BAIAP2: variants seen among roughly 807,000 people sequenced by gnomAD.
BAIAP2 encodes the protein BAR/IMD domain-containing adapter protein 2.
In BAIAP2, 18 loss-of-function variants were observed where a neutral mutation model predicts 63.0. The ratio of observed to expected loss-of-function variants is 0.29; its 90% CI spans 0.20 to 0.42. The LOEUF (loss-of-function observed/expected upper bound fraction) is 0.42, where lower values mean the gene tolerates loss of function less well. Ranked by LOEUF, BAIAP2 falls within the 10% of genes least tolerant of loss-of-function variation. The pLI is 1.00. For synonymous variants in BAIAP2, 386 were observed against 307.6 expected (o/e 1.25, Z -2.67); for missense variants, 610 against 734.3 (o/e 0.83, Z 1.96).
chr17:81,050,967 C>T (rs1293462423), intron 1 of BAIAP2, among the ~76,000 whole-genome samples: 1 of 151,770 alleles, frequency 6.6e-6, no homozygotes, highest in African/African-American at 2.4e-5. Context: ...ACCAGGCTGC[C>T]GAGAGCGCAC....
chr17:81,069,010 A>G (rs1013542764), intron 3 of BAIAP2, among the ~76,000 whole-genome samples: 1 of 152,154 alleles, frequency 6.6e-6, no homozygotes, highest in African/African-American at 2.4e-5. Context: ...CAGACAGGAC[A>G]GGGTCTCAGC....
rs138248424 is a variant in BAIAP2, at chr17:81,094,657, C to T, written c.490-5271C>T. Among the ~76,000 whole-genome samples the T allele has an allele frequency of 2.0e-3, 301 of 152,314 alleles. 5 individuals carry two copies. In the Middle Eastern group the frequency reaches 0.031, roughly 15 times the overall value. On this transcript the variant is annotated intron_variant, in intron 6 of 13. Transcript: ENST00000428708. ...CTCCTTTTAACCACCTGCCATGCTGCCCTCCCTCCTCTGCCTGGGTACCGT... is the reference window on the plus strand; with the variant it reads ...CTCCTTTTAACCACCTGCCATGCTGTCCTCCCTCCTCTGCCTGGGTACCGT...
chr17:81,110,363 T>C, intron 13 of BAIAP2: 1 of 986,580 alleles, frequency 1.0e-6, no homozygotes, highest in Non-Finnish European at 1.2e-6. Flanking sequence ...CCATGCTCAA[T>C]GGATGAATGT....
chr17:81,116,617 CT>C lies in BAIAP2; in HGVS notation c.*779del, dbSNP rs568159284. ...GTGGGGGCTTCCCCGCTTCCGGGGT[CT>C]GCCCCAGGACTCCTGGGTGGACCTC... On this transcript the variant is annotated 3_prime_UTR_variant, in exon 14 of 14. Transcript: ENST00000428708. The C allele has an allele frequency of 5.3e-4, 232 of 434,766 alleles. 3 individuals are homozygous for C. Among genetic ancestry groups the C allele is most frequent in the African/African-American group, 4.2e-3 (212 of 50,756 alleles). 26.9% of individuals were successfully genotyped at this position (434,766 alleles called of 1,614,324 possible). A position where few individuals can be genotyped will look rare whatever the true frequency, so the allele number is the denominator to read the frequency against.
chr17:81,036,858 T>G (rs2046344755), intron 1 of BAIAP2: 11 of 1,535,346 alleles, frequency 7.2e-6, no homozygotes, highest in Non-Finnish European at 9.6e-6. Flanking sequence ...TGTTTGTGAT[T>G]GCAGAGGGTG....
At position 81,116,045 on chromosome 17, in the gene BAIAP2, C is replaced by A; in HGVS notation, c.*206C>A. 1.4e-6 allele frequency: 2 copies of A among 1,460,394 alleles called. No individual in the cohort carries two copies. The highest frequency in any genetic ancestry group is 1.8e-6 in the Non-Finnish European group (2 of 1,109,768). The allele number at this position is 1,460,394 out of a possible 1,614,324, so 90.5% of individuals were successfully genotyped here. On this transcript the variant is annotated 3_prime_UTR_variant, in exon 14 of 14. Transcript: ENST00000428708. ...GGGCGCAGGCCCCTGAAGGGCGAGA[C>A]CCAGTGGCTGGGCTGCCCAGGGCTG... is the stretch of plus-strand genomic sequence containing the variant.
chr17:81,105,966 C>A, intron 10 of BAIAP2, 112 bp from the exon 11 acceptor site: 2 of 883,568 alleles, frequency 2.3e-6, no homozygotes, highest in South Asian at 1.6e-5. Flanking sequence ...GCTCCAGAGA[C>A]AGCCGCGCAG....
At chr17:81,062,203 G>A (rs1380254734) in intron 3 of BAIAP2, among the ~76,000 whole-genome samples, 2 of 152,064 alleles carry the variant, frequency 1.3e-5, no homozygotes, top group Non-Finnish European at 2.9e-5. Context: ...TGCCTGCCTC[G>A]GCCTCCCAGA....
At chr17:81,101,322 A>C (rs1278398362) in intron 7 of BAIAP2, among the ~76,000 whole-genome samples, 2 of 151,994 alleles carry the variant, frequency 1.3e-5, no homozygotes, top group African/African-American at 2.4e-5. Flanking sequence ...GAGCAAGGGG[A>C]TCCCCTCCTA....
Position 81,086,440 on chromosome 17 carries a change from C to T in BAIAP2, c.352-3C>T. On this transcript the variant is annotated splice_polypyrimidine_tract_variant and splice_region_variant and intron_variant, in intron 5 of 13. Coordinates refer to ENST00000428708, the MANE Select transcript of BAIAP2 (RefSeq NM_001144888.2). Reference sequence around the variant, plus strand: ...GTTTTGTGTTTTATTGTTTGAATCTCAGGCTGCGCTGAAGAAATACCAGAC... The same window carrying T: ...GTTTTGTGTTTTATTGTTTGAATCTTAGGCTGCGCTGAAGAAATACCAGAC... 6.2e-7 allele frequency: 1 copy of T among 1,613,654 alleles called. No individual in the cohort carries two copies. The highest frequency in any genetic ancestry group is 8.5e-7 in the Non-Finnish European group (1 of 1,179,678).
intron 6 of BAIAP2, among the ~76,000 whole-genome samples, chr17:81,093,131 G>A (rs1339330479): frequency 1.3e-5 from 2 of 149,082 alleles, no homozygotes; most frequent in Non-Finnish European, 3.0e-5. Context: ...GGGCTGGGCT[G>A]TGGGCACGAG....
chr17:81,108,918 G>C (rs755466276), intron 13 of BAIAP2: 20 of 1,533,322 alleles, frequency 1.3e-5, no homozygotes, highest in Middle Eastern at 2.2e-4. Flanking sequence ...GCCGCCTGTG[G>C]CTGGGCAGCG....
At chr17:81,039,285 CCCCAGG>C (rs2046762107) in intron 1 of BAIAP2, among the ~76,000 whole-genome samples, 1 of 152,250 alleles carries the variant, frequency 6.6e-6, no homozygotes, top group South Asian at 2.1e-4. Flanking sequence ...TGGGCTTTGG[CCCCAGG>C]CACTGTCCTG....
At chr17:81,053,385 A>G in intron 1 of BAIAP2, 2 of 462,332 alleles carry the variant, frequency 4.3e-6, no homozygotes, top group South Asian at 4.7e-5. Flanking sequence ...CTGCTGCACC[A>G]TGCAAATGCG....
chr17:81,063,065 G>A (rs1450623152), intron 3 of BAIAP2, among the ~76,000 whole-genome samples: 2 of 152,152 alleles, frequency 1.3e-5, no homozygotes, highest in Non-Finnish European at 2.9e-5. Flanking sequence ...AGCCTCCAGG[G>A]CCCACAGGAG....
chr17:81,042,323 T>A (rs1432910754), intron 1 of BAIAP2, among the ~76,000 whole-genome samples: 1 of 151,212 alleles, frequency 6.6e-6, no homozygotes, highest in Admixed American at 6.6e-5. Context: ...TTTTTTTTTT[T>A]ATTTTAATTT....
chr17:81,094,932 C>T (rs1421542652), intron 6 of BAIAP2, among the ~76,000 whole-genome samples: 1 of 152,234 alleles, frequency 6.6e-6, no homozygotes, highest in East Asian at 1.9e-4. Context: ...GCTGCAGCAG[C>T]CGTGGCGGAT....
chr17:81,089,664 C>T (rs1212806077), intron 6 of BAIAP2, among the ~76,000 whole-genome samples: 1 of 152,164 alleles, frequency 6.6e-6, no homozygotes, highest in African/African-American at 2.4e-5. Flanking sequence ...CGTGGCCTTA[C>T]AGGCTGTCTG....
At position 81,116,459 on chromosome 17, in the gene BAIAP2, G is replaced by A; in HGVS notation, c.*620G>A. 5 of 937,182 alleles carry A rather than the reference G, an allele frequency of 5.3e-6. No homozygotes were observed. The highest frequency in any genetic ancestry group is 1.6e-5 in the South Asian group (1 of 61,248). The allele number at this position is 937,182 out of a possible 1,614,324, so 58.1% of individuals were successfully genotyped here. Reference sequence around the variant, plus strand: ...CCTCCCCAGGCCCCTCCTGCCTCGGGCAGGCCCCAGCCCTCCTCCTTACCC... The same window carrying A: ...CCTCCCCAGGCCCCTCCTGCCTCGGACAGGCCCCAGCCCTCCTCCTTACCC... On this transcript the variant is annotated 3_prime_UTR_variant, in exon 14 of 14. Coordinates refer to ENST00000428708, the MANE Select transcript of BAIAP2 (RefSeq NM_001144888.2).
Sources: allele counts gnomAD v4.1 joint callset (sites outside exome capture counted in the v4.1 genomes callset), GRCh38; gene constraint gnomAD v4.1.1; transcripts MANE v1.5; gene names NCBI Gene and HGNC (gene_info 2026-07-23, HGNC 2026-07-21).